Variants in CLEC17A observed in about 807,000 individuals in gnomAD.
CLEC17A encodes the protein C-type lectin domain family 17, member A.
CLEC17A carries 37 observed loss-of-function variants against 61.3 expected under a neutral mutation model. The ratio of observed to expected loss-of-function variants is 0.60; its 90% confidence interval spans 0.46 to 0.79. The LOEUF (loss-of-function observed/expected upper bound fraction) is 0.79, where lower values mean the gene tolerates loss of function less well. Among genes scored for constraint, CLEC17A ranks in the 30% least tolerant of loss-of-function variants. The pLI, the probability that CLEC17A is intolerant of heterozygous loss-of-function variation, is 0.00. For synonymous variants in CLEC17A, 168 were observed against 164.9 expected, an observed-to-expected ratio of 1.02 and a Z score of -0.14; for missense variants, 418 against 464.7, an observed-to-expected ratio of 0.90 and a Z score of 0.92.
intron 8 of CLEC17A, among the ~76,000 whole-genome samples, chr19:14,595,585 T>C (rs1174326878): frequency 6.6e-6 from 1 of 152,186 alleles, no homozygotes; most frequent in Non-Finnish European, 1.5e-5. Context: ...ATGATGTACT[T>C]ATGGTTCTGT....
intron 10 of CLEC17A, among the ~76,000 whole-genome samples, chr19:14,598,154 A>G (rs553093797): frequency 9.9e-5 from 13 of 131,596 alleles, no homozygotes; most frequent in African/African-American, 3.5e-4. Context: ...TTAGCTTGGC[A>G]TTCAAGGATC....
chr19:14,586,122 CTTTTTTT>C (rs997687603), intron 2 of CLEC17A, among the ~76,000 whole-genome samples: 5 of 137,416 alleles, frequency 3.6e-5, no homozygotes, highest in Non-Finnish European at 7.8e-5. Flanking sequence ...AATTTCTTTA[CTTTTTTT>C]TTTTTTTTTT....
chr19:14,596,853 C>T lies in CLEC17A; in HGVS notation c.446-23C>T, dbSNP rs780493449. 18 of 1,605,636 alleles carry T rather than the reference C, an allele frequency of 1.1e-5. No homozygotes were observed. The East Asian group carries it at 4.1e-4, about 36-fold the overall frequency. ...CTCTGAAGCCCCAGTATCAGTCTCT[C>T]TGTTCCCATCCCCACTCCCCAGCAA... On this transcript the variant is annotated intron_variant, in intron 8 of 13. Transcript: ENST00000417570.
intron 12 of CLEC17A, among the ~76,000 whole-genome samples, chr19:14,605,210 C>T (rs1883202576): frequency 6.6e-6 from 1 of 151,876 alleles, no homozygotes; most frequent in African/African-American, 2.4e-5. Context: ...CAATTCTCCT[C>T]TCTCAGCCTC....
intron 12 of CLEC17A, among the ~76,000 whole-genome samples, chr19:14,601,692 C>T (rs990336160): frequency 4.6e-5 from 7 of 152,148 alleles, no homozygotes; most frequent in Admixed American, 1.3e-4. Context: ...AATCATAGCT[C>T]GTTGCAGCCT....
At chr19:14,591,071 A>C (rs1253508104) in intron 3 of CLEC17A, among the ~76,000 whole-genome samples, 2 of 151,748 alleles carry the variant, frequency 1.3e-5, no homozygotes, top group South Asian at 2.1e-4. Context: ...CATCTCTTCC[A>C]CCCAGGACTT....
At chr19:14,593,116 A>G (rs1459178146) in intron 4 of CLEC17A, among the ~76,000 whole-genome samples, 2 of 152,036 alleles carry the variant, frequency 1.3e-5, no homozygotes, top group African/African-American at 4.8e-5. Flanking sequence ...GCTTTATTTA[A>G]TCTTGAATCT....
In CLEC17A at chr19:14,591,898, ATGTG is replaced by A. The variant is rs747656450; in HGVS notation, c.200-349_200-346del. On this transcript the variant is annotated intron_variant, in intron 3 of 13. Transcript: ENST00000417570. Reference sequence around the variant, plus strand: ...GTGTGAATCCAAACTCCGGAGAAAAATGTGTGTGTGTGTGTGTGTGTGTGTGTGT... The same window carrying A: ...GTGTGAATCCAAACTCCGGAGAAAAATGTGTGTGTGTGTGTGTGTGTGTGT... Among the ~76,000 whole-genome samples the A allele has an allele frequency of 7.8e-3, 1,083 of 138,996 alleles. 6 individuals are homozygous for A. Among genetic ancestry groups the A allele is most frequent in the Middle Eastern group, 0.032 (9 of 280 alleles). The allele number at this position is 138,996 out of a possible 152,430, so 91.2% of individuals were successfully genotyped here.
chr19:14,589,055 A>G (rs886764283), intron 3 of CLEC17A, among the ~76,000 whole-genome samples: 1 of 151,198 alleles, frequency 6.6e-6, no homozygotes, highest in African/African-American at 2.5e-5. Context: ...TCCTGTCCCC[A>G]CATCCACATG....
At chr19:14,602,466 A>G (rs2074744824) in intron 12 of CLEC17A, among the ~76,000 whole-genome samples, 1 of 151,722 alleles carries the variant, frequency 6.6e-6, no homozygotes, top group Non-Finnish European at 1.5e-5. Flanking sequence ...ATAATTTTTA[A>G]CATTTTTTGT....
intron 10 of CLEC17A, among the ~76,000 whole-genome samples, chr19:14,598,016 T>C (rs926270407): frequency 1.3e-5 from 2 of 152,214 alleles, no homozygotes; most frequent in East Asian, 3.8e-4. Context: ...TGACCTGGGT[T>C]GGCCTTCATC....
intron 13 of CLEC17A, among the ~76,000 whole-genome samples, chr19:14,608,910 C>T (rs1475917076): frequency 6.6e-6 from 1 of 151,918 alleles, no homozygotes; most frequent in Non-Finnish European, 1.5e-5. Context: ...AGCGATTCTC[C>T]TGCCTTAGTC....
rs1168014790 is a variant in CLEC17A, at chr19:14,594,497, C to T, written c.278-20C>T. 6 of 1,567,208 alleles carry T rather than the reference C, an allele frequency of 3.8e-6. No homozygotes were observed. Among genetic ancestry groups the T allele is most frequent in the South Asian group, 1.2e-5 (1 of 85,676 alleles). On this transcript the variant is annotated intron_variant, in intron 4 of 13. Transcript: ENST00000417570. Reference sequence around the variant, plus strand: ...TTCCCATCCTCAGCCCAGCCCTCACCCTGAGCTTCTCTTCTCCAGGTTCAA... The same window carrying T: ...TTCCCATCCTCAGCCCAGCCCTCACTCTGAGCTTCTCTTCTCCAGGTTCAA...
rs750595209 is a variant in CLEC17A, at chr19:14,583,407, C to T, written c.94C>T (p.Pro32Ser). The T allele has an allele frequency of 1.2e-5, 19 of 1,612,100 alleles. No homozygotes were observed. Among genetic ancestry groups the T allele is most frequent in the Non-Finnish European group, 1.4e-5 (17 of 1,179,126 alleles). The change falls in exon 2 of 14, where the codon CCC (proline) becomes TCC (serine). Residue 32 changes from proline (P) to serine (S), a missense_variant. Coordinates refer to ENST00000417570, the MANE Select transcript of CLEC17A (RefSeq NM_001204118.2). ...EDDDYENSTP[P>S]YKDLPPKPGT... ...TGATGACTATGAGAACTCAACACCT[C>T]CCTACAAGGACCTTCCTCCCAAGCC...
At chr19:14,582,388 A>G (rs1181919128), upstream of CLEC17A, among the ~76,000 whole-genome samples, 1 of 150,620 alleles carries the variant, frequency 6.6e-6, no homozygotes, top group African/African-American at 2.4e-5. Flanking sequence ...AATTTTTTGT[A>G]TTTTTAGTGG....
At chr19:14,585,072 T>C (rs1261571375) in intron 2 of CLEC17A, among the ~76,000 whole-genome samples, 3 of 152,174 alleles carry the variant, frequency 2.0e-5, no homozygotes, top group African/African-American at 7.2e-5. Context: ...TCCATCCCCT[T>C]CCATCCCTTC....
chr19:14,589,566 G>T (rs1208260497), intron 3 of CLEC17A, among the ~76,000 whole-genome samples: 3 of 100,716 alleles, frequency 3.0e-5, no homozygotes, highest in East Asian at 2.8e-4. Context: ...GAGTAGCTGG[G>T]GTTACAGGCA....
chr19:14,589,551 C>T (rs1416795239), intron 3 of CLEC17A, among the ~76,000 whole-genome samples: 2 of 125,704 alleles, frequency 1.6e-5, no homozygotes, highest in Non-Finnish European at 3.2e-5. Flanking sequence ...CTACTACACC[C>T]TCCCGAGTAG....
rs201146082 is a variant in CLEC17A at position 14,595,316 on chromosome 19, G to A, written c.445+1G>A. 32 of 1,613,762 alleles carry A rather than the reference G, an allele frequency of 2.0e-5. No homozygotes were observed. Among genetic ancestry groups the A allele is most frequent in the Non-Finnish European group, 8.5e-7 (1 of 1,179,792 alleles). ...TCTCCATTGCAGCCATCCCTGGCCG[G>A]TAAGTGTCCTCCCATTTCCCCTCTG... On this transcript the variant is annotated splice_donor_variant, in intron 8 of 13. Transcript: ENST00000417570. LOFTEE classifies it high-confidence loss of function.
Sources: gnomAD v4.1 joint callset for allele counts (sites outside exome capture counted in the v4.1 genomes callset) on GRCh38, gnomAD v4.1.1 for gene constraint, MANE v1.5 for transcripts, NCBI Gene and HGNC (gene_info 2026-07-23, HGNC 2026-07-21) for gene names.